Variants in CCDC191 observed in about 807,000 individuals in gnomAD.
CCDC191 encodes the protein coiled-coil domain-containing protein 191.
A neutral mutation model predicts 114.0 loss-of-function variants in CCDC191; 99 were observed. The ratio of observed to expected loss-of-function variants is 0.87; its 90% CI spans 0.74 to 1.03. The LOEUF is 1.03. Ranked by LOEUF, CCDC191 falls within the 50% of genes least tolerant of loss-of-function variation. CCDC191 has a pLI of 0.00. For missense variants in CCDC191, 973 were observed against 1,087.0 expected (o/e 0.90, Z 1.47); for synonymous variants, 351 against 376.0 (o/e 0.93, Z 0.77).
chr3:114,049,916 G>A (rs1442345849), intron 2 of CCDC191, among the ~76,000 whole-genome samples: 1 of 152,140 alleles, frequency 6.6e-6, no homozygotes, highest in Non-Finnish European at 1.5e-5. Context: ...CTGATTGAAG[G>A]CTAGCTCTGT....
At chr3:113,998,738 A>G (rs2075788998) in intron 13 of CCDC191, among the ~76,000 whole-genome samples, 1 of 152,176 alleles carries the variant, frequency 6.6e-6, no homozygotes, top group Non-Finnish European at 1.5e-5. Flanking sequence ...GGAAGGGGTT[A>G]TATTTTGTTC....
chr3:114,050,773 C>T (rs924320062), intron 2 of CCDC191, among the ~76,000 whole-genome samples: 4 of 152,114 alleles, frequency 2.6e-5, no homozygotes, highest in African/African-American at 9.7e-5. Context: ...TATAGAGTTT[C>T]GTCTGATGGC....
chr3:113,980,591 T>G (rs1023560280), intron 14 of CCDC191, 59 bp downstream of exon 14: 8 of 1,467,270 alleles, frequency 5.5e-6, no homozygotes, highest in Non-Finnish European at 7.3e-6. Flanking sequence ...TAACTGGGCA[T>G]CCATCCTATT....
rs952206214 is a variant in CCDC191, at chr3:114,056,461, G to A, written c.6C>T (p.Leu2=). 12 of 1,614,132 alleles carry A rather than the reference G, an allele frequency of 7.4e-6. No individual in the cohort carries two copies. Among genetic ancestry groups the A allele is most frequent in the Non-Finnish European group, 1.0e-5 (12 of 1,180,018 alleles). M[L]LAPQGRSFSK... Reference sequence around the variant, plus strand: ...AGAAGGACCTTCCCTGAGGCGCCAGGAGCATTTTCCAAGTTCGAGCCCGAA... The same window carrying A: ...AGAAGGACCTTCCCTGAGGCGCCAGAAGCATTTTCCAAGTTCGAGCCCGAA... The change falls in exon 1 of 17, where the codon CTC becomes CTT. Residue 2 remains leucine (L), a synonymous_variant. Coordinates refer to ENST00000295878, the MANE Select transcript of CCDC191 (RefSeq NM_020817.2).
chr3:114,004,218 A>G, intron 11 of CCDC191: 4 of 975,222 alleles, frequency 4.1e-6, no homozygotes, highest in Non-Finnish European at 4.9e-6. Context: ...TAAAATAATA[A>G]CTTATCTTGG....
chr3:114,018,323 A>ACATTT (rs2076193487), intron 8 of CCDC191, among the ~76,000 whole-genome samples: 2 of 150,886 alleles, frequency 1.3e-5, no homozygotes, highest in Non-Finnish European at 3.0e-5. Context: ...TGTACAATGT[A>ACATTT]TATTTTATTT....
chr3:114,014,512 C>G (rs1462034660), intron 8 of CCDC191, among the ~76,000 whole-genome samples: 1 of 152,148 alleles, frequency 6.6e-6, no homozygotes, highest in Non-Finnish European at 1.5e-5. Flanking sequence ...ATCTGACGGC[C>G]TATTTTCAAT....
intron 11 of CCDC191, chr3:114,002,868 T>G: frequency 1.0e-6 from 1 of 978,492 alleles, no homozygotes; most frequent in Non-Finnish European, 1.2e-6. Context: ...AGAATTCTAA[T>G]TTGATTATAT....
intron 6 of CCDC191, 128 bp downstream of exon 6, chr3:114,034,797 G>T: frequency 1.3e-6 from 1 of 770,310 alleles, no homozygotes; most frequent in Non-Finnish European, 2.2e-6. Context: ...TGTTAAGATG[G>T]TGGAATAGTG....
intron 10 of CCDC191, among the ~76,000 whole-genome samples, chr3:114,005,302 C>T (rs1196430898): frequency 6.6e-6 from 1 of 152,172 alleles, no homozygotes; most frequent in Non-Finnish European, 1.5e-5. Flanking sequence ...GACCCAAATG[C>T]TAACAGTATA....
chr3:114,049,258 T>C (rs1446235089), intron 2 of CCDC191, among the ~76,000 whole-genome samples: 1 of 152,238 alleles, frequency 6.6e-6, no homozygotes, highest in African/African-American at 2.4e-5. Context: ...TTATTTCTGA[T>C]AGCCTCTGAT....
chr3:114,020,692 G>C (rs1237769843), intron 7 of CCDC191, among the ~76,000 whole-genome samples: 2 of 152,132 alleles, frequency 1.3e-5, no homozygotes, highest in Non-Finnish European at 2.9e-5. Flanking sequence ...TGCCATGGTT[G>C]AAAGAAAATG....
At chr3:114,029,224 G>A (rs75549291) in intron 7 of CCDC191, among the ~76,000 whole-genome samples, 3,060 of 152,200 alleles carry the variant, frequency 0.02, 43 homozygotes, top group Admixed American at 0.034. Context: ...GAAGCATGTT[G>A]AAAGAACAAA....
At chr3:113,969,141 T>G (rs1940534939) in intron 16 of CCDC191, among the ~76,000 whole-genome samples, 1 of 152,198 alleles carries the variant, frequency 6.6e-6, no homozygotes, top group African/African-American at 2.4e-5. Context: ...GAGGATGGCA[T>G]TAAGCCATTC....
intron 9 of CCDC191, among the ~76,000 whole-genome samples, chr3:114,007,413 A>G (rs990057380): frequency 6.6e-6 from 1 of 152,252 alleles, no homozygotes; most frequent in African/African-American, 2.4e-5. Context: ...GATGTGATAT[A>G]TGGAAACTCT....
chr3:114,023,419 C>T (rs1186878384), intron 7 of CCDC191, among the ~76,000 whole-genome samples: 1 of 152,174 alleles, frequency 6.6e-6, no homozygotes, highest in Non-Finnish European at 1.5e-5. Context: ...GCCAAAAGAA[C>T]AAAGCTGGAG....
chr3:113,990,718 C>G (rs1227267226), intron 13 of CCDC191, among the ~76,000 whole-genome samples: 1 of 151,498 alleles, frequency 6.6e-6, no homozygotes, highest in Non-Finnish European at 1.5e-5. Flanking sequence ...TACATACTCT[C>G]TTTCAAAAAA....
At chr3:113,966,661 CACA>C (rs1298982540) in intron 16 of CCDC191, among the ~76,000 whole-genome samples, 1 of 152,158 alleles carries the variant, frequency 6.6e-6, no homozygotes, top group Non-Finnish European at 1.5e-5. Context: ...CTTATATTTT[CACA>C]ACTATAGGCA....
chr3:113,984,868 A>G (rs1323999297), intron 13 of CCDC191, among the ~76,000 whole-genome samples: 1 of 152,242 alleles, frequency 6.6e-6, no homozygotes, highest in East Asian at 1.9e-4. Context: ...TCTTCCAACA[A>G]GGAAAAAGCT....
Sources: gnomAD v4.1 joint callset for allele counts (sites outside exome capture counted in the v4.1 genomes callset) on GRCh38, gnomAD v4.1.1 for gene constraint, MANE v1.5 for transcripts, NCBI Gene and HGNC (gene_info 2026-07-23, HGNC 2026-07-21) for gene names.